Variants in OR8B3 observed in about 807,000 individuals in gnomAD.
OR8B3 encodes olfactory receptor family 8 subfamily B member 3.
For synonymous variants in OR8B3, 102 were observed against 135.4 expected, an observed-to-expected ratio of 0.75 and a Z score of 1.71; for missense variants, 278 against 377.6, an observed-to-expected ratio of 0.74 and a Z score of 2.19.
the OR8B3 span, among the ~76,000 whole-genome samples, chr11:124,408,703 T>C: frequency 6.6e-6 from 1 of 152,136 alleles, no homozygotes; most frequent in African/African-American, 2.4e-5. Flanking sequence ...TCTACTATTT[T>C]AGGGAGCTGC....
At chr11:124,399,524 T>C (rs1860954430), upstream of OR8B3, among the ~76,000 whole-genome samples, 1 of 152,196 alleles carries the variant, frequency 6.6e-6, no homozygotes, top group Admixed American at 6.5e-5. Context: ...TCACTATTCA[T>C]GGGCCGTTAT....
Position 124,395,838 on chromosome 11 carries a change from G to A in OR8B3, c.*572C>T, listed in dbSNP as rs1267882872. 1 of 152,548 alleles carries A rather than the reference G, an allele frequency of 6.6e-6. No homozygotes were observed. The highest frequency in any genetic ancestry group is 2.4e-5 in the African/African-American group (1 of 41,548). The allele number at this position is 152,548 out of a possible 1,614,324, so 9.4% of individuals were successfully genotyped here. A position where few individuals can be genotyped will look rare whatever the true frequency, so the allele number is the denominator to read the frequency against. On this transcript the variant is annotated 3_prime_UTR_variant, in exon 2 of 2. Transcript: ENST00000641139. Reference sequence around the variant, plus strand: ...CTGATAGAGGTTCTCAGAAGCAAACGGCATGTGGTACAAATTTTGCCATTC... The same window carrying A: ...CTGATAGAGGTTCTCAGAAGCAAACAGCATGTGGTACAAATTTTGCCATTC...
At chr11:124,399,367 G>T (rs1178010811), upstream of OR8B3, among the ~76,000 whole-genome samples, 2 of 151,998 alleles carry the variant, frequency 1.3e-5, no homozygotes, top group Admixed American at 6.6e-5. Context: ...TAAAGAAAAG[G>T]GATACTTTTA....
chr11:124,403,860 C>G (rs1216076502), upstream of OR8B3, among the ~76,000 whole-genome samples: 1 of 152,202 alleles, frequency 6.6e-6, no homozygotes, highest in Non-Finnish European at 1.5e-5. Context: ...TCTGCAATCC[C>G]GGCACCTCGG....
Position 124,395,884 on chromosome 11 carries a change from C to A in OR8B3, c.*526G>T. 6.6e-6 allele frequency: 1 copy of A among 152,646 alleles called. No homozygotes were observed. The highest frequency in any genetic ancestry group is 1.5e-5 in the Non-Finnish European group (1 of 68,364). The allele number at this position is 152,646 out of a possible 1,614,324, so 9.5% of individuals were successfully genotyped here. ...CATTCTCAAAGGGAACAAGAAAAGT[C>A]AGAATAATAAAAGGCAAAATGGTGA... On this transcript the variant is annotated 3_prime_UTR_variant, in exon 2 of 2. Coordinates refer to ENST00000641139, the MANE Select transcript of OR8B3 (RefSeq NM_001005467.2).
At chr11:124,403,562 G>A (rs999341708), upstream of OR8B3, among the ~76,000 whole-genome samples, 1 of 151,512 alleles carries the variant, frequency 6.6e-6, no homozygotes, top group Non-Finnish European at 1.5e-5. Flanking sequence ...ATGGGCGGCC[G>A]GGCAGAGACG....
At chr11:124,408,993 A>G in the OR8B3 span, among the ~76,000 whole-genome samples, 32 of 152,222 alleles carry the variant, frequency 2.1e-4, no homozygotes, top group Admixed American at 2.1e-3. Flanking sequence ...TGCCACTTCA[A>G]TAAAAGCTGC....
chr11:124,404,307 G>A, the OR8B3 span: 2 of 152,106 alleles, frequency 1.3e-5, no homozygotes, highest in East Asian at 1.9e-4. Context: ...GCACACATAG[G>A]TAAGCTCATT....
chr11:124,409,330 T>G, the OR8B3 span, among the ~76,000 whole-genome samples: 1 of 152,254 alleles, frequency 6.6e-6, no homozygotes, highest in Non-Finnish European at 1.5e-5. Context: ...GATCTGTGTT[T>G]GAATCCTGGC....
At chr11:124,401,222 C>CAGAGAGAGAGAGAGAGAGAGAGAGAGAG (rs3071311), upstream of OR8B3, among the ~76,000 whole-genome samples, 145 of 142,468 alleles carry the variant, frequency 1.0e-3, 5 homozygotes, top group Middle Eastern at 7.1e-3. Flanking sequence ...TGCAAAGAGA[C>CAGAGAGAGAGAGAGAGAGAGAGAGAGAG]AGAGAGAGAG....
chr11:124,404,661 T>C, the OR8B3 span: 1 of 152,210 alleles, frequency 6.6e-6, no homozygotes, highest in Non-Finnish European at 1.5e-5. Context: ...GCAGATCCTG[T>C]TTATCCCATT....
In OR8B3 at chr11:124,396,195, T is replaced by G. The variant is rs1860863439; in HGVS notation, c.*215A>C. The G allele has an allele frequency of 1.9e-6, 1 of 518,838 alleles. No homozygotes were observed. The highest frequency in any genetic ancestry group is 3.4e-6 in the Non-Finnish European group (1 of 297,004). The allele number at this position is 518,838 out of a possible 1,614,324, so 32.1% of individuals were successfully genotyped here. On this transcript the variant is annotated 3_prime_UTR_variant, in exon 2 of 2. Coordinates refer to ENST00000641139, the MANE Select transcript of OR8B3 (RefSeq NM_001005467.2). The stretch of plus-strand genomic sequence containing the variant: ...GAAAAATATCAGTGCATATGTTCCT[T>G]TTACAAAGATGCCATGACCTATTTA...
upstream of OR8B3, among the ~76,000 whole-genome samples, chr11:124,402,647 T>C (rs987064935): frequency 4.6e-5 from 7 of 152,214 alleles, no homozygotes; most frequent in Non-Finnish European, 8.8e-5. Context: ...TTTTTAAAGA[T>C]GTGCTCTTGA....
the OR8B3 span, among the ~76,000 whole-genome samples, chr11:124,406,848 A>G: frequency 1.1e-3 from 160 of 152,012 alleles, no homozygotes; most frequent in African/African-American, 3.6e-3. Flanking sequence ...TATCCTTGTA[A>G]TATGGCTTAT....
At position 124,396,987 on chromosome 11, in the gene OR8B3, C is replaced by A; in HGVS notation, c.365G>T (p.Arg122Leu). Reference protein sequence around the residue: ...CYMLTSMAYDRYVAICNPLLY... With the variant: ...CYMLTSMAYDLYVAICNPLLY... ...CAATGGATTACAGATGGCCACATAG[C>A]GATCATATGCCATTGAGGTCAACAT... Residue 122 changes from arginine (R) to leucine (L), a missense_variant, in exon 2 of 2, where the codon CGC becomes CTC. By Grantham distance (102) the Arg-to-Leu change is moderately radical (BLOSUM62 -2). Coordinates refer to ENST00000641139, the MANE Select transcript of OR8B3 (RefSeq NM_001005467.2). 6.2e-7 allele frequency: 1 copy of A among 1,613,508 alleles called. No homozygotes were observed. The highest frequency in any genetic ancestry group is 8.5e-7 in the Non-Finnish European group (1 of 1,179,776).
the OR8B3 span, among the ~76,000 whole-genome samples, chr11:124,406,439 G>A: frequency 6.6e-6 from 1 of 152,064 alleles, no homozygotes; most frequent in Non-Finnish European, 1.5e-5. Flanking sequence ...TTCCCTGCGT[G>A]CTCCCTGAAC....
At chr11:124,406,988 G>C in the OR8B3 span, among the ~76,000 whole-genome samples, 1 of 151,994 alleles carries the variant, frequency 6.6e-6, no homozygotes, top group Non-Finnish European at 1.5e-5. Context: ...TTTCCATGAA[G>C]CAAATGTTTT....
chr11:124,399,945 C>A (rs1276091737), upstream of OR8B3, among the ~76,000 whole-genome samples: 2 of 151,012 alleles, frequency 1.3e-5, no homozygotes, highest in Non-Finnish European at 2.9e-5. Flanking sequence ...ACTGCAGCCT[C>A]AACCTCCCAG....
chr11:124,399,151 G>C (rs1191859575), upstream of OR8B3: 1 of 152,184 alleles, frequency 6.6e-6, no homozygotes, highest in Non-Finnish European at 1.5e-5. Context: ...ACAGGGCATA[G>C]GAGAAAGAGC....
Sources: gnomAD v4.1 joint callset for allele counts (sites outside exome capture counted in the v4.1 genomes callset) on GRCh38, gnomAD v4.1.1 for gene constraint, MANE v1.5 for transcripts, NCBI Gene and HGNC (gene_info 2026-07-23, HGNC 2026-07-21) for gene names.